RP1L1: variants seen among roughly 807,000 people sequenced by gnomAD.
The protein encoded by RP1L1 is RP1 like 1, also known as retinitis pigmentosa 1-like 1 protein.
Under a neutral mutation model 15.7 loss-of-function variants are expected in RP1L1, and 27 were observed. That is an observed-to-expected ratio of 1.72 (90% CI 1.27 to 2.38). The LOEUF (loss-of-function observed/expected upper bound fraction) is 2.38, where lower values mean the gene tolerates loss of function less well. RP1L1 is among the 30% of genes most tolerant of loss of function. The pLI is 0.00. For synonymous variants in RP1L1, 1,813 were observed against 1,276.7 expected (o/e 1.42, Z -8.96); for missense variants, 4,798 against 3,075.9 (o/e 1.56, Z -13.24).
Position 10,623,163 on chromosome 8 carries a change from G to A in RP1L1, c.39C>T (p.His13=), listed in dbSNP as rs775956678. 9.4e-6 allele frequency: 15 copies of A among 1,587,824 alleles called. No homozygotes were observed. The highest frequency in any genetic ancestry group is 5.1e-5 in the Admixed American group (3 of 58,628). ...CCACAGAGGGCAGGAAGCACTCACG[G>A]TGGCTCGGGGCCTGGGCATTCCTGG... ...STPRNAQAPS[H]RECFLPSVAR... The change falls in exon 2 of 4, where the codon CAC becomes CAT. Residue 13 remains histidine, a synonymous_variant. Coordinates refer to ENST00000382483, the MANE Select transcript of RP1L1 (RefSeq NM_178857.6).
intron 3 of RP1L1, 140 bp downstream of exon 3, chr8:10,616,306 A>C (rs1797963738): frequency 9.2e-7 from 1 of 1,091,550 alleles, no homozygotes; most frequent in Admixed American, 1.8e-5. Flanking sequence ...AAGAGGCAAG[A>C]GAGATCCCAA....
Position 10,607,944 on chromosome 8 carries a change from A to G in RP1L1, c.6154T>C (p.Ser2052Pro). 1 of 1,593,668 alleles carries G rather than the reference A, an allele frequency of 6.3e-7. No individual in the cohort carries two copies. Among genetic ancestry groups the G allele is most frequent in the Non-Finnish European group, 8.5e-7 (1 of 1,174,816 alleles). ...GCCTCCGGGGCCTCTACACCGTCTG[A>G]CTCTGGCTGGGCATCCCCTTCTGTC... ...QKTEGDAQPE[S>P]DGVEAPEAEE... is the part of the protein sequence containing the mutation. Residue 2052 changes from serine to proline, a missense_variant, in exon 4 of 4, where the codon TCA (serine) becomes CCA (proline). By Grantham distance (74) the Ser-to-Pro change is moderately conservative. Coordinates refer to ENST00000382483, the MANE Select transcript of RP1L1 (RefSeq NM_178857.6).
intron 1 of RP1L1, among the ~76,000 whole-genome samples, chr8:10,650,996 G>T (rs1023434340): frequency 2.6e-5 from 4 of 152,234 alleles, no homozygotes; most frequent in South Asian, 2.1e-4. Context: ...ACACTAAGCT[G>T]CTAATAGCTG....
Position 10,609,055 on chromosome 8 carries a change from AC to A in RP1L1, c.5042del (p.Gly1681ValfsTer54), listed in dbSNP as rs1797771862. On this transcript the variant is annotated frameshift_variant, in exon 4 of 4. Coordinates refer to ENST00000382483, the MANE Select transcript of RP1L1 (RefSeq NM_178857.6). LOFTEE classifies it low-confidence loss of function (END_TRUNC). ...GCAGGTCAAAGGCCTCTTTGATGGG[AC>A]CTCTGGTTGCCCCCATTGTGGCCTT... ...SPKATMGATRGPIKEAFDLQQ... is the reference protein window; with the variant it reads ...SPKATMGATRXPIKEAFDLQQ... The A allele has an allele frequency of 6.2e-7, 1 of 1,613,588 alleles. No individual in the cohort carries two copies. The highest frequency in any genetic ancestry group is 8.5e-7 in the Non-Finnish European group (1 of 1,179,674).
In RP1L1 at chr8:10,622,602, G is replaced by A. The variant is rs374460999; in HGVS notation, c.600C>T (p.Ser200=). 2.2e-5 allele frequency: 36 copies of A among 1,614,028 alleles called. No homozygotes were observed. The highest frequency in any genetic ancestry group is 2.7e-5 in the African/African-American group (2 of 74,916). The part of the protein sequence containing the change: ...RFPVKQLYTT[S]GKKVDSLQAL... ...GACCCCAACAGCCTACCTTTTTCCC[G>A]CTGGTCGTGTACAACTGCTTCACAG... The change falls in exon 2 of 4, where the codon AGC becomes AGT. Residue 200 remains serine, a synonymous_variant. Coordinates refer to ENST00000382483, the MANE Select transcript of RP1L1 (RefSeq NM_178857.6).
At chr8:10,648,290 C>G (rs1410729830) in intron 1 of RP1L1, among the ~76,000 whole-genome samples, 1 of 152,146 alleles carries the variant, frequency 6.6e-6, no homozygotes, top group Non-Finnish European at 1.5e-5. Context: ...CCTCGGCCCC[C>G]CAAAGTACTG....
In RP1L1 at chr8:10,622,952, G is replaced by A. The variant is rs748807865; in HGVS notation, c.250C>T (p.Pro84Ser). 4 of 1,614,008 alleles carry A rather than the reference G, an allele frequency of 2.5e-6. No homozygotes were observed. Among genetic ancestry groups the A allele is most frequent in the African/African-American group, 1.3e-5 (1 of 74,934 alleles). ...GCGCTGAGGCTATGCAGGCCCCGGG[G>A]TGTGGTGACAGAGCGCACCCCAAAG... Reference protein sequence around the residue: ...LSFGVRSVTTPRGLHSLSALE... With the variant: ...LSFGVRSVTTSRGLHSLSALE... Residue 84 changes from proline (P) to serine (S), a missense_variant, in exon 2 of 4, where the codon CCC becomes TCC. Coordinates refer to ENST00000382483, the MANE Select transcript of RP1L1 (RefSeq NM_178857.6).
rs202121941 is a variant in RP1L1, at chr8:10,608,385, C to T, written c.5713G>A (p.Gly1905Ser). The T allele has an allele frequency of 5.3e-4, 858 of 1,613,614 alleles. 2 individuals carry two copies. Among genetic ancestry groups the T allele is most frequent in the Non-Finnish European group, 4.3e-4 (512 of 1,179,870 alleles). The stretch of plus-strand genomic sequence containing the variant: ...TTTTCTGCCTCCGGGGCTTCTGCAC[C>T]TTCTGACTCTGGCTGGACCTCCCAT... ...AEWEVQPESEGAEAPEAEKEA... is the reference protein window; with the variant it reads ...AEWEVQPESESAEAPEAEKEA... The change falls in exon 4 of 4, where the codon GGT becomes AGT. Residue 1905 changes from glycine (G) to serine (S), a missense_variant. By Grantham distance (56) the Gly-to-Ser change is moderately conservative. Transcript: ENST00000382483.
At chr8:10,631,645 C>T (rs1234190856) in intron 1 of RP1L1, among the ~76,000 whole-genome samples, 3 of 152,218 alleles carry the variant, frequency 2.0e-5, no homozygotes, top group African/African-American at 4.8e-5. Flanking sequence ...TCCCTGTCCC[C>T]CCTCCTCCAC....
intron 1 of RP1L1, among the ~76,000 whole-genome samples, chr8:10,653,385 A>G (rs1232335946): frequency 6.6e-6 from 1 of 151,956 alleles, no homozygotes; most frequent in Non-Finnish European, 1.5e-5. Flanking sequence ...GCAGAGAACT[A>G]TGTTGCCAGC....
chr8:10,642,018 C>T (rs192265038), intron 1 of RP1L1, among the ~76,000 whole-genome samples: 34 of 151,884 alleles, frequency 2.2e-4, no homozygotes, highest in African/African-American at 3.1e-4. Flanking sequence ...GTCTCTTGAC[C>T]GGATCAATGG....
intron 1 of RP1L1, among the ~76,000 whole-genome samples, chr8:10,640,896 G>A (rs1798397078): frequency 6.6e-6 from 1 of 151,954 alleles, no homozygotes; most frequent in Non-Finnish European, 1.5e-5. Context: ...TCAGCCTGCT[G>A]AATAACTGGG....
chr8:10,650,136 A>T (rs1243548693), intron 1 of RP1L1, among the ~76,000 whole-genome samples: 1 of 152,198 alleles, frequency 6.6e-6, no homozygotes, highest in Non-Finnish European at 1.5e-5. Flanking sequence ...TCACGTGTGT[A>T]TGGAAAGCTG....
chr8:10,607,126 C>T lies in RP1L1; in HGVS notation c.6972G>A (p.Arg2324=), dbSNP rs867576810. The T allele has an allele frequency of 6.2e-7, 1 of 1,614,242 alleles. No individual in the cohort carries two copies. Among genetic ancestry groups the T allele is most frequent in the Non-Finnish European group, 8.5e-7 (1 of 1,180,046 alleles). Residue 2324 remains arginine (R), a synonymous_variant, in exon 4 of 4, where the codon AGG becomes AGA. Transcript: ENST00000382483. The part of the protein sequence containing the change: ...SENDHVLGDT[R]SPDAKSTGTP... Reference sequence around the variant, plus strand: ...TCCCCGTGGACTTGGCATCAGGGCTCCTTGTGTCTCCAAGTACATGGTCAT... The same window carrying T: ...TCCCCGTGGACTTGGCATCAGGGCTTCTTGTGTCTCCAAGTACATGGTCAT...
chr8:10,642,913 C>G (rs1304146485), intron 1 of RP1L1, among the ~76,000 whole-genome samples: 2 of 152,146 alleles, frequency 1.3e-5, no homozygotes, highest in African/African-American at 2.4e-5. Context: ...CAGCTAAGAT[C>G]ATAAGATGAT....
rs1166150369 is a variant in RP1L1 at position 10,609,961 on chromosome 8, T to C, written c.4137A>G (p.Glu1379=). ...CTCCTTGCAGTCCTCCTTCTGGCCC[T>C]TCTTTAACTTCCTCTAACTGCACCC... ...EEGVQLEEVK[E]GPEGGLQGEA... Residue 1379 remains glutamate, a synonymous_variant, in exon 4 of 4, where the codon GAA becomes GAG. Transcript: ENST00000382483. 3 of 1,614,056 alleles carry C rather than the reference T, an allele frequency of 1.9e-6. No homozygotes were observed. The African/African-American group carries it at 4.0e-5, about 22-fold the overall frequency.
At position 10,612,788 on chromosome 8, in the gene RP1L1, A is replaced by G. The variant is rs1357042508; in HGVS notation, c.1310T>C (p.Leu437Pro). The G allele has an allele frequency of 1.2e-6, 2 of 1,610,696 alleles. No homozygotes were observed. Among genetic ancestry groups the G allele is most frequent in the East Asian group, 4.5e-5 (2 of 44,868 alleles). ...CCTCCCGGCAGTCCCGTGGCCCCAC[A>G]GGCCACTGCAGCGGACGTGCTGGGC... The part of the protein sequence containing the change: ...GLAQHVRCSG[L>P]WGHGTAGRER... The change falls in exon 4 of 4, where the codon CTG (leucine) becomes CCG (proline). Residue 437 changes from leucine (L) to proline (P), a missense_variant. Transcript: ENST00000382483.
At chr8:10,654,614 G>C (rs545751100) in intron 1 of RP1L1, among the ~76,000 whole-genome samples, 2 of 152,282 alleles carry the variant, frequency 1.3e-5, no homozygotes, top group South Asian at 2.1e-4. Context: ...TCCAGGTCCA[G>C]GTGGGAGAAA....
rs1290710374 is a variant in RP1L1, at chr8:10,607,143, C to T, written c.6955G>A (p.Val2319Ile). ...CWQKDSENDH[V>I]LGDTRSPDAK... ...TCAGGGCTCCTTGTGTCTCCAAGTACATGGTCATTTTCTGAGTCTTTCTGC... is the reference window on the plus strand; with the variant it reads ...TCAGGGCTCCTTGTGTCTCCAAGTATATGGTCATTTTCTGAGTCTTTCTGC... Residue 2319 changes from valine (V) to isoleucine (I), a missense_variant, in exon 4 of 4, where the codon GTA becomes ATA. Coordinates refer to ENST00000382483, the MANE Select transcript of RP1L1 (RefSeq NM_178857.6). 7 of 1,614,122 alleles carry T rather than the reference C, an allele frequency of 4.3e-6. No individual in the cohort carries two copies. Among genetic ancestry groups the T allele is most frequent in the Non-Finnish European group, 5.9e-6 (7 of 1,180,054 alleles).
Sources: gnomAD v4.1 joint callset for allele counts (sites outside exome capture counted in the v4.1 genomes callset) on GRCh38, gnomAD v4.1.1 for gene constraint, MANE v1.5 for transcripts, NCBI Gene and HGNC (gene_info 2026-07-23, HGNC 2026-07-21) for gene names.